CDK19: variants seen among roughly 807,000 people sequenced by gnomAD.
CDK19 encodes cyclin dependent kinase 19.
A neutral mutation model predicts 68.3 loss-of-function variants in CDK19; 20 were observed. The ratio of observed to expected loss-of-function variants is 0.29; its 90% CI spans 0.21 to 0.43. CDK19 has a LOEUF of 0.43. Among genes scored for constraint, CDK19 ranks in the 20% least tolerant of loss-of-function variants. The pLI is 1.00. For synonymous variants in CDK19, 221 were observed against 222.8 expected (o/e 0.99, Z 0.07); for missense variants, 339 against 623.5 (o/e 0.54, Z 4.86).
At chr6:110,765,674 C>T (rs1583051226) in intron 1 of CDK19, among the ~76,000 whole-genome samples, 2 of 129,168 alleles carry the variant, frequency 1.5e-5, no homozygotes, top group Non-Finnish European at 3.2e-5. Context: ...AGCAAGACTC[C>T]ATCTCAAAAA....
intron 7 of CDK19, 69 bp downstream of exon 7, chr6:110,626,933 T>C: frequency 1.4e-6 from 2 of 1,450,060 alleles, no homozygotes; most frequent in Middle Eastern, 2.1e-4. Context: ...TACATTAAAA[T>C]ATGCTTTTGA....
At chr6:110,810,927 G>T (rs907527406) in intron 1 of CDK19, among the ~76,000 whole-genome samples, 1 of 152,058 alleles carries the variant, frequency 6.6e-6, no homozygotes, top group Non-Finnish European at 1.5e-5. Context: ...ATGCAAAAAG[G>T]TTTATACAGT....
chr6:110,668,024 G>T (rs1246089150), intron 3 of CDK19, among the ~76,000 whole-genome samples: 2 of 152,100 alleles, frequency 1.3e-5, no homozygotes, highest in Non-Finnish European at 2.9e-5. Context: ...CTTTGGCACA[G>T]AATAAATTAG....
At chr6:110,787,844 G>GT (rs1781339297) in intron 1 of CDK19, among the ~76,000 whole-genome samples, 1 of 151,486 alleles carries the variant, frequency 6.6e-6, no homozygotes, top group Admixed American at 6.6e-5. Context: ...TTTTTTGTTT[G>GT]TTTGTTTCGT....
In CDK19 at chr6:110,659,937, T is replaced by G. The variant is rs1297424971; in HGVS notation, c.456+7497A>C. On this transcript the variant is annotated intron_variant, in intron 4 of 12. Coordinates refer to ENST00000368911, the MANE Select transcript of CDK19 (RefSeq NM_015076.5). The stretch of plus-strand genomic sequence containing the variant: ...ATGAAAGGTGGGGACTTTTTGCATT[T>G]TCTTCATTGCATTTCCACTAAATAA... 2.6e-5 allele frequency among the ~76,000 whole-genome samples: 4 copies of G among 152,334 alleles called. No individual in the cohort carries two copies. In the East Asian group the frequency reaches 7.7e-4, roughly 29 times the overall value.
intron 1 of CDK19, among the ~76,000 whole-genome samples, chr6:110,812,764 G>T (rs1022450333): frequency 4.0e-5 from 6 of 149,496 alleles, no homozygotes; most frequent in African/African-American, 1.5e-4. Context: ...TACCATGATC[G>T]GAGTGTAAAA....
At chr6:110,763,191 A>C (rs755070356) in intron 1 of CDK19, among the ~76,000 whole-genome samples, 1 of 152,224 alleles carries the variant, frequency 6.6e-6, no homozygotes, top group African/African-American at 2.4e-5. Context: ...ATGACCATCC[A>C]TTTAATCCCA....
At chr6:110,777,221 A>C (rs1780467963) in intron 1 of CDK19, among the ~76,000 whole-genome samples, 1 of 152,234 alleles carries the variant, frequency 6.6e-6, no homozygotes, top group Non-Finnish European at 1.5e-5. Context: ...CAAAATGAGA[A>C]ATGTGATATG....
intron 2 of CDK19, among the ~76,000 whole-genome samples, chr6:110,692,374 C>CAAGTAG: frequency 6.7e-6 from 1 of 150,132 alleles, no homozygotes. Flanking sequence ...TAGACTAGAA[C>CAAGTAG]AAGTAGAAGA....
At chr6:110,727,022 G>C (rs1776362728) in intron 2 of CDK19, among the ~76,000 whole-genome samples, 1 of 152,028 alleles carries the variant, frequency 6.6e-6, no homozygotes, top group Non-Finnish European at 1.5e-5. Flanking sequence ...AATATTTATA[G>C]TTTTATTATA....
chr6:110,796,333 C>CAAAA (rs1159197009), intron 1 of CDK19, among the ~76,000 whole-genome samples: 3 of 151,662 alleles, frequency 2.0e-5, no homozygotes, highest in African/African-American at 4.8e-5. Flanking sequence ...GAGATTCCGT[C>CAAAA]AAACAAACAA....
At chr6:110,700,084 C>T (rs1029034297) in intron 2 of CDK19, among the ~76,000 whole-genome samples, 2 of 152,174 alleles carry the variant, frequency 1.3e-5, no homozygotes, top group South Asian at 2.1e-4. Flanking sequence ...CATAGGACCA[C>T]GAACCCCATT....
intron 2 of CDK19, among the ~76,000 whole-genome samples, chr6:110,697,733 C>CT (rs1384441880): frequency 2.6e-5 from 4 of 151,846 alleles, no homozygotes; most frequent in African/African-American, 9.7e-5. Flanking sequence ...AAGAACAAAG[C>CT]TGGAGGCATC....
intron 1 of CDK19, among the ~76,000 whole-genome samples, chr6:110,781,659 A>G (rs1780832289): frequency 6.6e-6 from 1 of 152,062 alleles, no homozygotes; most frequent in African/African-American, 2.4e-5. Context: ...TCTGGGCAAC[A>G]TTGTGAAACC....
chr6:110,708,796 G>A (rs1170111134), intron 2 of CDK19, among the ~76,000 whole-genome samples: 2 of 152,058 alleles, frequency 1.3e-5, no homozygotes, highest in East Asian at 1.9e-4. Flanking sequence ...TCACCACCTT[G>A]GACTAAGAAG....
chr6:110,685,041 G>C (rs949252824), intron 2 of CDK19, among the ~76,000 whole-genome samples: 1 of 152,160 alleles, frequency 6.6e-6, no homozygotes, highest in African/African-American at 2.4e-5. Flanking sequence ...AAGAGGCTGA[G>C]GCAGGAGAAT....
chr6:110,704,433 A>G (rs1774268653), intron 2 of CDK19, among the ~76,000 whole-genome samples: 1 of 151,872 alleles, frequency 6.6e-6, no homozygotes, highest in African/African-American at 2.4e-5. Flanking sequence ...CCTCCCCACC[A>G]ACCCTTGTCT....
At chr6:110,660,586 G>A (rs945443804) in intron 4 of CDK19, among the ~76,000 whole-genome samples, 2 of 151,950 alleles carry the variant, frequency 1.3e-5, no homozygotes, top group African/African-American at 4.8e-5. Flanking sequence ...GCCAATAAAA[G>A]TGGCTCTCAG....
At chr6:110,642,121 T>C (rs895219487) in intron 4 of CDK19, among the ~76,000 whole-genome samples, 2 of 151,982 alleles carry the variant, frequency 1.3e-5, no homozygotes, top group Non-Finnish European at 2.9e-5. Flanking sequence ...ACCAACATGG[T>C]GAAACCCCGT....
Sources: gnomAD v4.1 joint callset for allele counts (sites outside exome capture counted in the v4.1 genomes callset) on GRCh38, gnomAD v4.1.1 for gene constraint, MANE v1.5 for transcripts, NCBI Gene and HGNC (gene_info 2026-07-23, HGNC 2026-07-21) for gene names.